SEC14L3: variants seen among roughly 807,000 people sequenced by gnomAD.
SEC14L3 encodes the protein SEC14-like protein 3.
Under a neutral mutation model 57.4 loss-of-function variants are expected in SEC14L3, and 56 were observed. The ratio of observed to expected loss-of-function variants is 0.97; its 90% CI spans 0.79 to 1.22. SEC14L3 has a LOEUF of 1.22. SEC14L3 is among the 50% of genes most tolerant of loss of function. The probability of loss-of-function intolerance (pLI) is 0.00; values close to 1 mark genes in which losing one functional copy is unlikely to be tolerated. For synonymous variants in SEC14L3, 173 were observed against 194.4 expected (o/e 0.89, Z 0.92); for missense variants, 485 against 511.7 (o/e 0.95, Z 0.50).
Position 30,459,998 on chromosome 22 carries a change from T to A in SEC14L3, c.*23A>T. On this transcript the variant is annotated 3_prime_UTR_variant, in exon 12 of 12. Coordinates refer to ENST00000215812, the MANE Select transcript of SEC14L3 (RefSeq NM_174975.5). ...ACAGAGAAATCAAAGGGTTAGGAGG[T>A]CTCTGAGAAATGAGGGAGCCACCTA... 1 of 1,612,270 alleles carries A rather than the reference T, an allele frequency of 6.2e-7. No individual in the cohort carries two copies. The highest frequency in any genetic ancestry group is 2.2e-5 in the East Asian group (1 of 44,826).
downstream of SEC14L3, among the ~76,000 whole-genome samples, chr22:30,455,119 T>TAATATTA (rs1935091287): frequency 1.7e-4 from 13 of 78,222 alleles, no homozygotes; most frequent in African/African-American, 8.6e-4. Context: ...ATTTAATATT[T>TAATATTA]AATATATATT....
At chr22:30,463,185 G>A (rs1383906017) in intron 8 of SEC14L3, among the ~76,000 whole-genome samples, 1 of 152,194 alleles carries the variant, frequency 6.6e-6, no homozygotes, top group Non-Finnish European at 1.5e-5. Flanking sequence ...ACCTCCTAGT[G>A]GGGGATGGAC....
downstream of SEC14L3, among the ~76,000 whole-genome samples, chr22:30,455,043 A>T (rs1488471555): frequency 3.5e-4 from 27 of 77,758 alleles, no homozygotes; most frequent in Non-Finnish European, 4.8e-4. Flanking sequence ...ATATTATATA[A>T]TAGATATACA....
At chr22:30,470,369 C>T (rs143513952) in intron 2 of SEC14L3, 114 bp from the exon 3 acceptor site, 3 of 1,591,102 alleles carry the variant, frequency 1.9e-6, no homozygotes, top group Middle Eastern at 2.2e-4. Context: ...TCCCCTACCC[C>T]CTTCCCTCCT....
intron 12 of SEC14L3, among the ~76,000 whole-genome samples, chr22:30,452,906 G>A (rs1453619022): frequency 1.3e-5 from 2 of 151,752 alleles, no homozygotes; most frequent in Admixed American, 1.3e-4. Context: ...TTGTAGAGAT[G>A]GGGTTTTCAC....
intron 12 of SEC14L3, among the ~76,000 whole-genome samples, chr22:30,451,717 C>G (rs1456145773): frequency 6.6e-6 from 1 of 151,966 alleles, no homozygotes; most frequent in Non-Finnish European, 1.5e-5. Flanking sequence ...TGGCCGGGCC[C>G]GGTGCCTCAA....
intron 4 of SEC14L3, among the ~76,000 whole-genome samples, chr22:30,469,200 A>G (rs938733006): frequency 6.6e-6 from 1 of 152,012 alleles, no homozygotes; most frequent in Non-Finnish European, 1.5e-5. Flanking sequence ...ACATCTGTAG[A>G]CTTGGGAGGC....
At chr22:30,454,885 ATATTATATAATAG>A (rs1569225372), downstream of SEC14L3, among the ~76,000 whole-genome samples, 86 of 20,934 alleles carry the variant, frequency 4.1e-3, 4 homozygotes, top group South Asian at 0.011. Flanking sequence ...ATATTATTAT[ATATTATATAATAG>A]ATATATAATA....
Position 30,470,075 on chromosome 22 carries a change from T to C in SEC14L3, c.178A>G (p.Met60Val). 6.2e-7 allele frequency: 1 copy of C among 1,601,974 alleles called. No individual in the cohort carries two copies. The highest frequency in any genetic ancestry group is 8.5e-7 in the Non-Finnish European group (1 of 1,173,222). The change falls in exon 4 of 12, where the codon ATG (methionine) becomes GTG (valine). Residue 60 changes from methionine to valine, a missense_variant. Transcript: ENST00000215812. ...QKSEALLRKYMEFRKTMDIDH... is the reference protein window; with the variant it reads ...QKSEALLRKYVEFRKTMDIDH... Reference sequence around the variant, plus strand: ...ATATCCATGGTCTTCCGGAACTCCATGTACTGAAAGGGAAATGAGTGGTAA... The same window carrying C: ...ATATCCATGGTCTTCCGGAACTCCACGTACTGAAAGGGAAATGAGTGGTAA...
downstream of SEC14L3, among the ~76,000 whole-genome samples, chr22:30,455,330 C>G (rs1015874260): frequency 6.8e-6 from 1 of 146,724 alleles, no homozygotes; most frequent in Admixed American, 7.2e-5. Flanking sequence ...CTCACTGCAA[C>G]CTCCACTTCC....
intron 12 of SEC14L3, among the ~76,000 whole-genome samples, chr22:30,452,348 G>A (rs918288638): frequency 2.0e-5 from 3 of 147,536 alleles, no homozygotes; most frequent in Non-Finnish European, 4.5e-5. Context: ...TCCCGGGTTC[G>A]ATTCTCCTGC....
downstream of SEC14L3, among the ~76,000 whole-genome samples, chr22:30,455,117 T>TATA (rs1215858614): frequency 8.9e-3 from 560 of 62,620 alleles, 6 homozygotes; most frequent in African/African-American, 0.044. Context: ...ATATTTAATA[T>TATA]TTAATATATA....
chr22:30,462,120 G>A lies in SEC14L3; in HGVS notation c.737C>T (p.Thr246Ile), dbSNP rs139207233. Residue 246 changes from threonine to isoleucine, a missense_variant, in exon 9 of 12, where the codon ACT (threonine) becomes ATT (isoleucine). Coordinates refer to ENST00000215812, the MANE Select transcript of SEC14L3 (RefSeq NM_174975.5). ...ACATTTGGGGTTCCCATCTGGGTCA[G>A]TCAGGGTGCCCCCAAACTGGGCAGG... ...ELPAQFGGTL[T>I]DPDGNPKCLT... The A allele has an allele frequency of 3.7e-6, 6 of 1,614,068 alleles. No homozygotes were observed. In the African/African-American group the frequency reaches 5.3e-5, roughly 14 times the overall value.
intron 4 of SEC14L3, chr22:30,468,922 T>A: frequency 6.7e-7 from 1 of 1,485,124 alleles, no homozygotes; most frequent in Non-Finnish European, 9.0e-7. Context: ...GCCCTTGGAC[T>A]TCTTAGGTCT....
At position 30,464,807 on chromosome 22, in the gene SEC14L3, T is replaced by C; in HGVS notation, c.664+13A>G. On this transcript the variant is annotated intron_variant, in intron 8 of 11. Transcript: ENST00000215812. ...ATGTATAGAGGTCAGGAAATTGAGC[T>C]GGCACTACTTACTTCCCAACACAAT... The C allele has an allele frequency of 6.2e-7, 1 of 1,613,628 alleles. No individual in the cohort carries two copies. The highest frequency in any genetic ancestry group is 8.5e-7 in the Non-Finnish European group (1 of 1,179,556).
chr22:30,455,563 G>T (rs1314068655), downstream of SEC14L3, among the ~76,000 whole-genome samples: 1 of 152,056 alleles, frequency 6.6e-6, no homozygotes, highest in Non-Finnish European at 1.5e-5. Flanking sequence ...TTAACCTTGT[G>T]CTTTTTGGTA....
downstream of SEC14L3, among the ~76,000 whole-genome samples, chr22:30,454,631 T>A (rs1456282167): frequency 7.8e-5 from 6 of 76,998 alleles, no homozygotes; most frequent in South Asian, 3.5e-4. Context: ...ATCTATAATA[T>A]TATTAGATAT....
chr22:30,458,346 C>T (rs1274041894), downstream of SEC14L3, among the ~76,000 whole-genome samples: 1 of 152,220 alleles, frequency 6.6e-6, no homozygotes, highest in Non-Finnish European at 1.5e-5. Context: ...AGCTGAGGAA[C>T]ACAAGCCCTG....
downstream of SEC14L3, among the ~76,000 whole-genome samples, chr22:30,458,626 C>T (rs1473635554): frequency 2.6e-5 from 4 of 152,152 alleles, no homozygotes; most frequent in Non-Finnish European, 1.5e-5. Context: ...TGGGCTCAAG[C>T]GATCCGCCCA....
Sources: gnomAD v4.1 joint callset for allele counts (sites outside exome capture counted in the v4.1 genomes callset) on GRCh38, gnomAD v4.1.1 for gene constraint, MANE v1.5 for transcripts, NCBI Gene and HGNC (gene_info 2026-07-23, HGNC 2026-07-21) for gene names.